Variants in HIVEP2 observed in about 807,000 individuals in gnomAD.
HIVEP2 encodes transcription factor HIVEP2.
Under a neutral mutation model 180.7 loss-of-function variants are expected in HIVEP2, and 14 were observed. That is an observed-to-expected ratio of 0.08 (90% CI 0.05 to 0.12). HIVEP2 has a LOEUF of 0.12. Among genes scored for constraint, HIVEP2 ranks in the 10% least tolerant of loss-of-function variants. HIVEP2 has a pLI of 1.00. For synonymous variants in HIVEP2, 1,184 were observed against 1,136.4 expected, an observed-to-expected ratio of 1.04 and a Z score of -0.84; for missense variants, 2,579 against 3,008.5, an observed-to-expected ratio of 0.86 and a Z score of 3.34.
intron 1 of HIVEP2, among the ~76,000 whole-genome samples, chr6:142,892,311 T>C (rs1182841889): frequency 6.6e-6 from 1 of 152,076 alleles, no homozygotes; most frequent in Non-Finnish European, 1.5e-5. Context: ...AGAAGTCATG[T>C]CTAAGGGCAC....
intron 1 of HIVEP2, among the ~76,000 whole-genome samples, chr6:142,874,549 A>G (rs1776378326): frequency 6.6e-6 from 1 of 152,184 alleles, no homozygotes; most frequent in Non-Finnish European, 1.5e-5. Context: ...AAGAGTTATG[A>G]CTATAAACCA....
chr6:142,919,825 GTAATGT>G (rs1777644799), intron 1 of HIVEP2, among the ~76,000 whole-genome samples: 1 of 152,152 alleles, frequency 6.6e-6, no homozygotes, highest in Non-Finnish European at 1.5e-5. Context: ...CTATTCTCTA[GTAATGT>G]TAATAAGTTG....
At chr6:142,827,450 G>T (rs1375648214) in intron 2 of HIVEP2, among the ~76,000 whole-genome samples, 2 of 152,212 alleles carry the variant, frequency 1.3e-5, no homozygotes, top group Non-Finnish European at 2.9e-5. Context: ...GCATATGACT[G>T]TGTGTTTTGT....
intron 5 of HIVEP2, among the ~76,000 whole-genome samples, chr6:142,768,765 A>G (rs766313954): frequency 1.3e-5 from 2 of 149,216 alleles, no homozygotes; most frequent in Non-Finnish European, 2.9e-5. Context: ...TACATATATT[A>G]TATATAAAAA....
At chr6:142,801,715 T>A (rs1460280448) in intron 2 of HIVEP2, among the ~76,000 whole-genome samples, 1 of 152,148 alleles carries the variant, frequency 6.6e-6, no homozygotes, top group Non-Finnish European at 1.5e-5. Context: ...CTGTAAGAAC[T>A]AAGTGAATCT....
chr6:142,924,443 G>A (rs1777755523), intron 1 of HIVEP2, among the ~76,000 whole-genome samples: 2 of 152,146 alleles, frequency 1.3e-5, no homozygotes, highest in Admixed American at 1.3e-4. Flanking sequence ...AAGGCATACA[G>A]TAGACAACCA....
At chr6:142,787,211 G>A (rs1776022134) in intron 2 of HIVEP2, among the ~76,000 whole-genome samples, 1 of 151,892 alleles carries the variant, frequency 6.6e-6, no homozygotes, top group African/African-American at 2.4e-5. Context: ...AGCTATAATT[G>A]CACCAGTCTG....
At chr6:142,934,867 T>C (rs944803807) in intron 1 of HIVEP2, among the ~76,000 whole-genome samples, 6 of 152,074 alleles carry the variant, frequency 3.9e-5, no homozygotes, top group Non-Finnish European at 7.4e-5. Flanking sequence ...TGTGTAGTGG[T>C]GGAAAGGAAT....
At chr6:142,876,735 G>A (rs1038802434) in intron 1 of HIVEP2, among the ~76,000 whole-genome samples, 5 of 152,120 alleles carry the variant, frequency 3.3e-5, no homozygotes, top group African/African-American at 1.2e-4. Context: ...TTAAAAATAA[G>A]ACATAGGTCA....
At chr6:142,908,266 T>C (rs778691355) in intron 1 of HIVEP2, among the ~76,000 whole-genome samples, 2 of 152,228 alleles carry the variant, frequency 1.3e-5, no homozygotes, top group East Asian at 3.8e-4. Context: ...CTTTCACTTG[T>C]AACATATGTC....
At chr6:142,832,754 CA>C (rs1775124558) in intron 2 of HIVEP2, among the ~76,000 whole-genome samples, 1 of 152,132 alleles carries the variant, frequency 6.6e-6, no homozygotes, top group African/African-American at 2.4e-5. Flanking sequence ...TCTTGATCCA[CA>C]AGGGATATTG....
At chr6:142,756,073 G>A (rs1775059654) in intron 9 of HIVEP2, among the ~76,000 whole-genome samples, 1 of 152,202 alleles carries the variant, frequency 6.6e-6, no homozygotes, top group South Asian at 2.1e-4. Flanking sequence ...GAATTCAAAT[G>A]TAGATTATGT....
At chr6:142,806,813 AC>A (rs1190713381) in intron 2 of HIVEP2, among the ~76,000 whole-genome samples, 2 of 152,158 alleles carry the variant, frequency 1.3e-5, no homozygotes, top group African/African-American at 4.8e-5. Flanking sequence ...CATCAAAACA[AC>A]CCTAGGAGAT....
intron 2 of HIVEP2, among the ~76,000 whole-genome samples, chr6:142,791,922 T>C (rs1267575792): frequency 2.6e-5 from 4 of 152,192 alleles, no homozygotes; most frequent in Non-Finnish European, 4.4e-5. Flanking sequence ...GTTGTGAGTA[T>C]ATGAAGACAG....
chr6:142,798,712 G>A (rs1240795903), intron 2 of HIVEP2, among the ~76,000 whole-genome samples: 11 of 152,140 alleles, frequency 7.2e-5, no homozygotes, highest in Admixed American at 3.9e-4. Context: ...AGTCTTTCGA[G>A]TGAAGACAGA....
chr6:142,909,304 T>C (rs1174507003), intron 1 of HIVEP2, among the ~76,000 whole-genome samples: 1 of 152,214 alleles, frequency 6.6e-6, no homozygotes, highest in Non-Finnish European at 1.5e-5. Context: ...AAAATCTATC[T>C]GAACATTTTT....
In HIVEP2 at chr6:142,770,874, G is replaced by T; in HGVS notation, c.3865C>A (p.His1289Asn). ...YPCYSGASGL[H>N]PKNLLPKFPS... ...AACTTTGGAAGAAGGTTCTTTGGGT[G>T]TAGCCCTGATGCTCCTGAATAACAT... Residue 1289 changes from histidine to asparagine, a missense_variant, in exon 5 of 10, where the codon CAC (histidine) becomes AAC (asparagine). Around this residue, in one of 11 missense-constraint regions of HIVEP2, gnomAD observed 523 missense variants for 577.0 expected, o/e 0.91. Transcript: ENST00000367603. The surrounding 1 kb of genome is among the most constrained non-coding windows in gnomAD (Gnocchi z 4.7). 6.2e-7 allele frequency: 1 copy of T among 1,614,222 alleles called. No individual in the cohort carries two copies. The highest frequency in any genetic ancestry group is 8.5e-7 in the Non-Finnish European group (1 of 1,180,044).
At chr6:142,806,536 T>A (rs1776552491) in intron 2 of HIVEP2, among the ~76,000 whole-genome samples, 1 of 152,314 alleles carries the variant, frequency 6.6e-6, no homozygotes, top group Non-Finnish European at 1.5e-5. Flanking sequence ...AATCCCTTTT[T>A]TTGGGAGGTG....
chr6:142,849,354 T>C (rs1775591290), intron 1 of HIVEP2, among the ~76,000 whole-genome samples: 1 of 152,106 alleles, frequency 6.6e-6, no homozygotes, highest in Admixed American at 6.6e-5. Context: ...ATATTCGGTT[T>C]TAGAGCAAAC....
Sources: allele counts gnomAD v4.1 joint callset (sites outside exome capture counted in the v4.1 genomes callset), GRCh38; gene constraint gnomAD v4.1.1; regional missense constraint gnomAD v4.1.1; non-coding constraint Gnocchi (gnomAD v3.1); transcripts MANE v1.5; gene names NCBI Gene and HGNC (gene_info 2026-07-23, HGNC 2026-07-21).